The following ASTN2 variants were observed in gnomAD, a reference collection of about 807,000 sequenced individuals.
The protein encoded by ASTN2 is astrotactin 2, also known as astrotactin-2.
In ASTN2, 54 loss-of-function variants were observed where a neutral mutation model predicts 139.8. The observed-to-expected ratio is 0.39, with a 90% CI of 0.31 to 0.48. The LOEUF is 0.48. ASTN2 is among the 20% of genes least tolerant of loss of function. The probability of loss-of-function intolerance (pLI) is 0.95; values close to 1 mark genes in which losing one functional copy is unlikely to be tolerated. For missense variants in ASTN2, 1,565 were observed against 1,725.1 expected (o/e 0.91, Z 1.64); for synonymous variants, 756 against 719.5 (o/e 1.05, Z -0.81).
At chr9:117,278,314 A>G (rs117451758) in intron 2 of ASTN2, among the ~76,000 whole-genome samples, 1,583 of 152,354 alleles carry the variant, frequency 0.01, 28 homozygotes, top group South Asian at 0.093. Flanking sequence ...TTAATCCAAA[A>G]CAGATAAGAT....
chr9:116,446,212 A>G (rs1233341121), intron 20 of ASTN2, among the ~76,000 whole-genome samples: 1 of 150,808 alleles, frequency 6.6e-6, no homozygotes, highest in Non-Finnish European at 1.5e-5. Context: ...AAAGAGGGAG[A>G]GCCAGGGACA....
intron 5 of ASTN2, among the ~76,000 whole-genome samples, chr9:117,090,344 A>G (rs1564421273): frequency 6.6e-6 from 1 of 152,056 alleles, no homozygotes. Context: ...CTTTTTCTCC[A>G]TCCCTTTGCC....
intron 20 of ASTN2, among the ~76,000 whole-genome samples, chr9:116,472,721 T>C (rs1039620168): frequency 5.3e-5 from 8 of 149,968 alleles, no homozygotes; most frequent in South Asian, 2.1e-4. Flanking sequence ...CTGGCCGACA[T>C]AGCAAAACCC....
At chr9:117,407,158 A>G (rs1431674633) in intron 1 of ASTN2, among the ~76,000 whole-genome samples, 1 of 152,184 alleles carries the variant, frequency 6.6e-6, no homozygotes, top group Non-Finnish European at 1.5e-5. Flanking sequence ...GAATTTCCCC[A>G]GGGGATGGTG....
intron 1 of ASTN2, among the ~76,000 whole-genome samples, chr9:117,323,944 G>T (rs894684655): frequency 2.0e-5 from 3 of 152,070 alleles, no homozygotes; most frequent in African/African-American, 7.2e-5. Flanking sequence ...CCAAATATCG[G>T]CTGGACACCA....
At chr9:117,026,910 C>T (rs752586404) in intron 6 of ASTN2, among the ~76,000 whole-genome samples, 3 of 151,926 alleles carry the variant, frequency 2.0e-5, no homozygotes, top group African/African-American at 7.3e-5. Flanking sequence ...GATGCACAAA[C>T]GAGGCTTAGA....
At chr9:117,391,897 G>T (rs1022129668) in intron 1 of ASTN2, among the ~76,000 whole-genome samples, 3 of 152,068 alleles carry the variant, frequency 2.0e-5, no homozygotes, top group African/African-American at 7.2e-5. Context: ...AAAACAAAGG[G>T]GATACAGGCC....
chr9:116,560,116 T>C (rs138363075), intron 19 of ASTN2, among the ~76,000 whole-genome samples: 9 of 152,348 alleles, frequency 5.9e-5, no homozygotes, highest in African/African-American at 2.2e-4. Flanking sequence ...GGGTTGCAAT[T>C]AACATTGTAA....
At chr9:117,251,008 G>A (rs998488787) in intron 2 of ASTN2, among the ~76,000 whole-genome samples, 2 of 152,282 alleles carry the variant, frequency 1.3e-5, no homozygotes, top group Non-Finnish European at 2.9e-5. Flanking sequence ...AGCAGGGAGG[G>A]CGTGGCCACA....
At chr9:117,406,322 C>T (rs978552334) in intron 1 of ASTN2, among the ~76,000 whole-genome samples, 1 of 152,160 alleles carries the variant, frequency 6.6e-6, no homozygotes, top group Non-Finnish European at 1.5e-5. Context: ...TACAGAGCAG[C>T]GTAGGGAATT....
chr9:117,095,702 CCCAACCTGGGTTTGA>C (rs545402336), intron 5 of ASTN2, among the ~76,000 whole-genome samples: 2 of 152,304 alleles, frequency 1.3e-5, no homozygotes, highest in South Asian at 4.1e-4. Context: ...TCTGCATCAA[CCCAACCTGGGTTTGA>C]ATAATTTTCC....
intron 3 of ASTN2, among the ~76,000 whole-genome samples, chr9:117,189,784 G>A (rs898266644): frequency 6.6e-6 from 1 of 152,146 alleles, no homozygotes; most frequent in African/African-American, 2.4e-5. Context: ...TCTCTGATCT[G>A]CTGCCAGCCT....
intron 12 of ASTN2, among the ~76,000 whole-genome samples, chr9:116,806,456 G>T (rs977626195): frequency 2.0e-5 from 3 of 152,204 alleles, no homozygotes; most frequent in Admixed American, 2.0e-4. Context: ...ATCTCAGAGA[G>T]GCATGGGCTG....
At chr9:117,150,532 A>G (rs769499667) in intron 3 of ASTN2, among the ~76,000 whole-genome samples, 1 of 152,192 alleles carries the variant, frequency 6.6e-6, no homozygotes, top group Non-Finnish European at 1.5e-5. Context: ...GAAGGCTTTG[A>G]AATCAACCAC....
chr9:116,763,559 T>C (rs147386421), intron 13 of ASTN2, among the ~76,000 whole-genome samples: 209 of 152,196 alleles, frequency 1.4e-3, no homozygotes, highest in Non-Finnish European at 2.4e-3. Context: ...TGGAGGGTGA[T>C]ATGCTGGGAG....
intron 2 of ASTN2, among the ~76,000 whole-genome samples, chr9:117,239,850 G>T (rs570051530): frequency 9.9e-5 from 15 of 152,278 alleles, no homozygotes; most frequent in African/African-American, 2.9e-4. Flanking sequence ...TAAACATAAA[G>T]AAAGCATTTG....
At chr9:117,310,229 A>G (rs897583555) in intron 1 of ASTN2, among the ~76,000 whole-genome samples, 14 of 152,124 alleles carry the variant, frequency 9.2e-5, no homozygotes, top group African/African-American at 3.4e-4. Context: ...CAGTTAACTT[A>G]CCTGTAAAAT....
Position 116,795,416 on chromosome 9 carries a change from G to T in ASTN2, c.2396+10216C>A, listed in dbSNP as rs550562335. 5.3e-5 allele frequency among the ~76,000 whole-genome samples: 8 copies of T among 152,350 alleles called. No homozygotes were observed. In the East Asian group the frequency reaches 1.5e-3, roughly 29 times the overall value. On this transcript the variant is annotated intron_variant, in intron 13 of 22. Transcript: ENST00000313400. ...TTAAATCCCACATTCCTAATAAGATGTGTTTCATTACAGAATGTTCAGACA... is the reference window on the plus strand; with the variant it reads ...TTAAATCCCACATTCCTAATAAGATTTGTTTCATTACAGAATGTTCAGACA...
intron 2 of ASTN2, among the ~76,000 whole-genome samples, chr9:117,262,816 G>A (rs1054704344): frequency 7.2e-5 from 11 of 152,154 alleles, no homozygotes; most frequent in African/African-American, 2.4e-4. Context: ...GTAAATAAAA[G>A]AGGGGCGCAG....
Sources: allele counts gnomAD v4.1 joint callset (sites outside exome capture counted in the v4.1 genomes callset), GRCh38; gene constraint gnomAD v4.1.1; transcripts MANE v1.5; gene names NCBI Gene and HGNC (gene_info 2026-07-23, HGNC 2026-07-21).